Variants in ARHGAP15 observed in about 807,000 individuals in gnomAD.
The protein encoded by ARHGAP15 is Rho GTPase activating protein 15.
Under a neutral mutation model 63.7 loss-of-function variants are expected in ARHGAP15, and 51 were observed. The observed-to-expected ratio is 0.80, with a 90% CI of 0.64 to 1.01. ARHGAP15 has a LOEUF of 1.01. ARHGAP15 is among the 50% of genes least tolerant of loss of function. The pLI is 0.00. For missense variants in ARHGAP15, 560 were observed against 564.6 expected (o/e 0.99, Z 0.08); for synonymous variants, 191 against 193.8 (o/e 0.99, Z 0.12).
intron 2 of ARHGAP15, among the ~76,000 whole-genome samples, chr2:143,174,929 T>TAAG (rs1161312222): frequency 1.3e-5 from 2 of 152,198 alleles, no homozygotes; most frequent in African/African-American, 4.8e-5. Flanking sequence ...CTTTGGGTAT[T>TAAG]AATTAGACAT....
chr2:143,529,753 C>T (rs1033635174), intron 10 of ARHGAP15, among the ~76,000 whole-genome samples: 2 of 152,120 alleles, frequency 1.3e-5, no homozygotes, highest in Admixed American at 6.6e-5. Flanking sequence ...TCACCTTCTC[C>T]AAGGAATATT....
chr2:143,152,523 G>A (rs974322558), intron 1 of ARHGAP15, among the ~76,000 whole-genome samples: 6 of 151,834 alleles, frequency 4.0e-5, no homozygotes, highest in African/African-American at 1.5e-4. Flanking sequence ...CCAAACTCTG[G>A]GGCACTTGAT....
At chr2:143,562,955 T>C (rs1049358741) in intron 11 of ARHGAP15, among the ~76,000 whole-genome samples, 9 of 152,206 alleles carry the variant, frequency 5.9e-5, no homozygotes, top group Non-Finnish European at 1.2e-4. Flanking sequence ...AGCAAAACTA[T>C]ACCACACATT....
At chr2:143,539,373 A>G (rs1446964853) in intron 10 of ARHGAP15, among the ~76,000 whole-genome samples, 3 of 151,414 alleles carry the variant, frequency 2.0e-5, no homozygotes, top group African/African-American at 7.3e-5. Context: ...TTGTGTCTCT[A>G]TTTCCTTCAG....
intron 9 of ARHGAP15, among the ~76,000 whole-genome samples, chr2:143,492,702 C>A (rs1160175738): frequency 6.6e-6 from 1 of 152,122 alleles, no homozygotes; most frequent in African/African-American, 2.4e-5. Flanking sequence ...GTCAAGGCTG[C>A]AGTGAGCTAT....
At chr2:143,332,085 G>A (rs1297071268) in intron 6 of ARHGAP15, among the ~76,000 whole-genome samples, 2 of 151,840 alleles carry the variant, frequency 1.3e-5, no homozygotes, top group Non-Finnish European at 2.9e-5. Flanking sequence ...TCTCTCTTTC[G>A]GTCAACCTAT....
At chr2:143,428,780 GTAA>G (rs145256178) in intron 6 of ARHGAP15, among the ~76,000 whole-genome samples, 1 of 152,092 alleles carries the variant, frequency 6.6e-6, no homozygotes, top group Admixed American at 6.6e-5. Context: ...CATAAGGACA[GTAA>G]TAATAAAAAT....
chr2:143,187,516 G>A (rs1458120399), intron 2 of ARHGAP15, among the ~76,000 whole-genome samples: 1 of 152,164 alleles, frequency 6.6e-6, no homozygotes, highest in Admixed American at 6.5e-5. Flanking sequence ...CACTTCAGAA[G>A]TATTAATCCA....
chr2:143,223,442 T>A (rs1378048375), intron 4 of ARHGAP15, among the ~76,000 whole-genome samples: 1 of 152,182 alleles, frequency 6.6e-6, no homozygotes, highest in Non-Finnish European at 1.5e-5. Context: ...GAACTGTGTG[T>A]CTTAGTTACC....
chr2:143,508,710 T>TA (rs939823511), intron 9 of ARHGAP15, among the ~76,000 whole-genome samples: 1 of 94,188 alleles, frequency 1.1e-5, no homozygotes, highest in African/African-American at 3.7e-5. Context: ...AGTAGACAAA[T>TA]ATAGAAGAAT....
At chr2:143,370,362 G>T (rs190786894) in intron 6 of ARHGAP15, among the ~76,000 whole-genome samples, 8 of 152,056 alleles carry the variant, frequency 5.3e-5, no homozygotes, top group Non-Finnish European at 1.2e-4. Flanking sequence ...GTGGGGGAAG[G>T]GGGGAGGGAT....
At chr2:143,491,833 G>A (rs529404465) in intron 9 of ARHGAP15, among the ~76,000 whole-genome samples, 6 of 152,084 alleles carry the variant, frequency 3.9e-5, no homozygotes, top group South Asian at 4.2e-4. Context: ...TGCAATAGGC[G>A]TGAATTTTAC....
intron 13 of ARHGAP15, among the ~76,000 whole-genome samples, chr2:143,743,469 T>C (rs535940972): frequency 6.6e-6 from 1 of 152,192 alleles, no homozygotes; most frequent in South Asian, 2.1e-4. Context: ...ACAGTCTCCA[T>C]GTGGTTCCCG....
At chr2:143,423,077 A>G (rs570845609) in intron 6 of ARHGAP15, among the ~76,000 whole-genome samples, 2 of 152,246 alleles carry the variant, frequency 1.3e-5, no homozygotes, top group African/African-American at 4.8e-5. Context: ...AAAGAGGAAA[A>G]GATCAGGAAC....
At chr2:143,390,056 T>C (rs911442433) in intron 6 of ARHGAP15, among the ~76,000 whole-genome samples, 1 of 151,796 alleles carries the variant, frequency 6.6e-6, no homozygotes, top group Non-Finnish European at 1.5e-5. Context: ...ACTTTTTAGT[T>C]ATTTAAAAGT....
intron 6 of ARHGAP15, among the ~76,000 whole-genome samples, chr2:143,413,633 A>G (rs1254923071): frequency 6.6e-6 from 1 of 152,090 alleles, no homozygotes; most frequent in Non-Finnish European, 1.5e-5. Flanking sequence ...ACCACAACCA[A>G]CTAATTTATT....
At chr2:143,155,144 C>T (rs886440554) in intron 1 of ARHGAP15, among the ~76,000 whole-genome samples, 2 of 151,970 alleles carry the variant, frequency 1.3e-5, no homozygotes, top group East Asian at 3.9e-4. Flanking sequence ...CATATATCCT[C>T]AAGACAGTTG....
intron 8 of ARHGAP15, among the ~76,000 whole-genome samples, chr2:143,455,338 T>TC (rs1690598726): frequency 6.6e-6 from 1 of 152,054 alleles, no homozygotes; most frequent in Non-Finnish European, 1.5e-5. Context: ...CGACCAAAGG[T>TC]CACTTTCATT....
chr2:143,175,026 G>A (rs1188727581), intron 2 of ARHGAP15, among the ~76,000 whole-genome samples: 2 of 152,092 alleles, frequency 1.3e-5, no homozygotes, highest in Admixed American at 6.6e-5. Context: ...TTATATTGTA[G>A]ACTATTAATT....
Sources: allele counts gnomAD v4.1 joint callset (sites outside exome capture counted in the v4.1 genomes callset), GRCh38; gene constraint gnomAD v4.1.1; transcripts MANE v1.5; gene names NCBI Gene and HGNC (gene_info 2026-07-23, HGNC 2026-07-21).